LRP1B: variants seen among roughly 807,000 people sequenced by gnomAD.
LRP1B encodes the protein low-density lipoprotein receptor-related protein 1B.
Under a neutral mutation model 556.6 loss-of-function variants are expected in LRP1B, and 217 were observed. The observed-to-expected ratio is 0.39, with a 90% confidence interval of 0.35 to 0.44. The LOEUF (loss-of-function observed/expected upper bound fraction) is 0.44, where lower values mean the gene tolerates loss of function less well. Ranked by LOEUF, LRP1B falls within the 20% of genes least tolerant of loss-of-function variation. LRP1B has a pLI of 1.00. For missense variants in LRP1B, 5,053 were observed against 5,620.8 expected, an observed-to-expected ratio of 0.90 and a Z score of 3.23; for synonymous variants, 2,047 against 1,865.8, an observed-to-expected ratio of 1.10 and a Z score of -2.50.
intron 1 of LRP1B, among the ~76,000 whole-genome samples, chr2:142,109,460 T>C (rs13405280): frequency 0.08 from 12,220 of 152,208 alleles, 528 homozygotes; most frequent in Non-Finnish European, 0.092. Flanking sequence ...TTTACAACAT[T>C]AGAACAAGGC....
Position 140,428,215 on chromosome 2 carries a change from C to A in LRP1B, c.10414+14289G>T, listed in dbSNP as rs547988039. On this transcript the variant is annotated intron_variant, in intron 66 of 90. Transcript: ENST00000389484. ...AAATTCTGGCCCTCAAACCCCACAACAGGACTTAATTAACCTCGCCTTCAA... is the reference window on the plus strand; with the variant it reads ...AAATTCTGGCCCTCAAACCCCACAAAAGGACTTAATTAACCTCGCCTTCAA... 2.0e-4 allele frequency among the ~76,000 whole-genome samples: 30 copies of A among 152,276 alleles called. 1 individual carries two copies. The highest frequency in any genetic ancestry group is 6.7e-4 in the African/African-American group (28 of 41,558).
chr2:140,799,816 G>T (rs1056131835), intron 32 of LRP1B, among the ~76,000 whole-genome samples: 7 of 152,134 alleles, frequency 4.6e-5, no homozygotes, highest in African/African-American at 1.7e-4. Context: ...CGAGTCTACA[G>T]CTCCCAGCCT....
chr2:140,723,090 C>T (rs1687472358), intron 35 of LRP1B, among the ~76,000 whole-genome samples: 1 of 152,052 alleles, frequency 6.6e-6, no homozygotes, highest in East Asian at 1.9e-4. Context: ...GGAAGTTTAT[C>T]ATTTCATCTT....
At chr2:140,336,195 A>G (rs1328194365) in intron 77 of LRP1B, among the ~76,000 whole-genome samples, 1 of 152,010 alleles carries the variant, frequency 6.6e-6, no homozygotes, top group Non-Finnish European at 1.5e-5. Context: ...GTAAAATGTA[A>G]CAAAGAATCA....
intron 41 of LRP1B, among the ~76,000 whole-genome samples, chr2:140,615,406 T>A (rs1683220531): frequency 6.6e-6 from 1 of 152,100 alleles, no homozygotes; most frequent in African/African-American, 2.4e-5. Context: ...TGAGTAATAA[T>A]AACTTCTGTC....
In LRP1B at chr2:140,352,961, A is replaced by C. The variant is rs1682041003; in HGVS notation, c.11642T>G (p.Ile3881Arg). 6.2e-7 allele frequency: 1 copy of C among 1,611,978 alleles called. No homozygotes were observed. The highest frequency in any genetic ancestry group is 1.1e-5 in the South Asian group (1 of 90,910). ...QNFQERNNTC[I>R]AEGSEDQVLY... Reference sequence around the variant, plus strand: ...AGTGGTTATAATCTTACCTTCTGCTATGCAGGTGTTATTTCTTTCTTGAAA... The same window carrying C: ...AGTGGTTATAATCTTACCTTCTGCTCTGCAGGTGTTATTTCTTTCTTGAAA... Residue 3881 changes from isoleucine (I) to arginine (R), a missense_variant, in exon 76 of 91, where the codon ATA (isoleucine) becomes AGA (arginine). Around this residue, in one of 5 missense-constraint regions of LRP1B, gnomAD observed 599 missense variants for 648.4 expected, o/e 0.92. Transcript: ENST00000389484.
At chr2:140,687,552 C>G (rs1468132034) in intron 41 of LRP1B, among the ~76,000 whole-genome samples, 1 of 151,762 alleles carries the variant, frequency 6.6e-6, no homozygotes, top group Non-Finnish European at 1.5e-5. Context: ...GGATTTCTGT[C>G]CTGAGAAACT....
chr2:140,515,856 G>C (rs191879883), intron 50 of LRP1B, among the ~76,000 whole-genome samples: 1 of 152,100 alleles, frequency 6.6e-6, no homozygotes, highest in East Asian at 1.9e-4. Context: ...TTTTAGGAGA[G>C]TTTGACATTT....
intron 23 of LRP1B, among the ~76,000 whole-genome samples, chr2:140,892,835 A>G (rs1392411890): frequency 6.6e-6 from 1 of 152,212 alleles, no homozygotes; most frequent in African/African-American, 2.4e-5. Context: ...GATTAGAAGT[A>G]ACAGAGTAGG....
intron 7 of LRP1B, among the ~76,000 whole-genome samples, chr2:141,080,715 C>T (rs373204847): frequency 1.3e-5 from 2 of 152,194 alleles, no homozygotes; most frequent in African/African-American, 4.8e-5. Flanking sequence ...CTATTTCATT[C>T]TGAGGAAGCT....
At chr2:140,695,616 CTCTAATTTTCAT>C (rs1167553452) in intron 41 of LRP1B, among the ~76,000 whole-genome samples, 1 of 152,140 alleles carries the variant, frequency 6.6e-6, no homozygotes, top group Non-Finnish European at 1.5e-5. Context: ...GATTAGCTAT[CTCTAATTTTCAT>C]TTTAAATATA....
In LRP1B at chr2:141,887,605, G is replaced by T. The variant is rs1432298923; in HGVS notation, c.83-77204C>A. Among the ~76,000 whole-genome samples the T allele has an allele frequency of 2.6e-5, 4 of 152,188 alleles. No homozygotes were observed. The South Asian group carries it at 8.3e-4, about 32-fold the overall frequency. On this transcript the variant is annotated intron_variant, in intron 1 of 90. Coordinates refer to ENST00000389484, the MANE Select transcript of LRP1B (RefSeq NM_018557.3). ...AGGACACCGGATGAATGACAGGGCT[G>T]TTACATACTAGAAGACATAGTTATA...
chr2:140,916,301 A>C, intron 21 of LRP1B, among the ~76,000 whole-genome samples: 1 of 152,178 alleles, frequency 6.6e-6, no homozygotes, highest in East Asian at 1.9e-4. Context: ...TGGTTCTAAT[A>C]ATCCAGATTG....
chr2:141,235,905 G>A (rs1239426786), intron 5 of LRP1B, among the ~76,000 whole-genome samples: 2 of 152,030 alleles, frequency 1.3e-5, no homozygotes, highest in African/African-American at 4.8e-5. Context: ...ACAGGTTAAG[G>A]ACAAATTGTA....
chr2:140,268,232 A>ATTG (rs987698608), intron 86 of LRP1B, among the ~76,000 whole-genome samples: 4 of 151,850 alleles, frequency 2.6e-5, no homozygotes, highest in Admixed American at 2.6e-4. Flanking sequence ...TAATGAATCT[A>ATTG]TTGTTCTCTT....
chr2:140,683,880 G>A, intron 41 of LRP1B: 2 of 556,470 alleles, frequency 3.6e-6, no homozygotes, highest in Non-Finnish European at 3.3e-6. Context: ...CCTGGGCCCT[G>A]GCAGACTGAG....
rs200210740 is a variant in LRP1B, at chr2:141,810,270, T to C, written c.205+9A>G. The C allele has an allele frequency of 7.3e-5, 118 of 1,612,436 alleles. No individual in the cohort carries two copies. Among genetic ancestry groups the C allele is most frequent in the Non-Finnish European group, 9.8e-5 (115 of 1,179,060 alleles). ...TAAATCCGAATGGCATGAGAACCTTTCTACTCACAGGTATCTAAAGACTCG... is the reference window on the plus strand; with the variant it reads ...TAAATCCGAATGGCATGAGAACCTTCCTACTCACAGGTATCTAAAGACTCG... On this transcript the variant is annotated intron_variant, in intron 2 of 90. Transcript: ENST00000389484.
intron 2 of LRP1B, among the ~76,000 whole-genome samples, chr2:141,634,556 A>G (rs1433133157): frequency 1.3e-5 from 2 of 151,948 alleles, no homozygotes; most frequent in African/African-American, 4.8e-5. Flanking sequence ...CTATTGTTCT[A>G]CCCACATATT....
chr2:141,276,638 TTTTC>T (rs70991151), intron 3 of LRP1B, among the ~76,000 whole-genome samples: 26 of 137,250 alleles, frequency 1.9e-4, no homozygotes, highest in African/African-American at 5.7e-4. Context: ...CATTCTATTT[TTTTC>T]TTTCTTTCTT....
Sources: allele counts gnomAD v4.1 joint callset (sites outside exome capture counted in the v4.1 genomes callset), GRCh38; gene constraint gnomAD v4.1.1; regional missense constraint gnomAD v4.1.1; transcripts MANE v1.5; gene names NCBI Gene and HGNC (gene_info 2026-07-23, HGNC 2026-07-21).